The following DIP2A variants were observed in gnomAD, a reference collection of about 807,000 sequenced individuals.
The protein encoded by DIP2A is DIP2 acetate--CoA ligase A.
DIP2A carries 85 observed loss-of-function variants against 177.4 expected under a neutral mutation model. That is an observed-to-expected ratio of 0.48 (90% confidence interval 0.40 to 0.57). The LOEUF is 0.57. Ranked by LOEUF, DIP2A falls within the 20% of genes least tolerant of loss-of-function variation. The pLI is 0.00. For missense variants in DIP2A, 1,791 were observed against 2,100.2 expected, an observed-to-expected ratio of 0.85 and a Z score of 2.88; for synonymous variants, 886 against 881.8, an observed-to-expected ratio of 1.00 and a Z score of -0.08.
chr21:46,572,744 T>C (rs986521806), downstream of DIP2A, among the ~76,000 whole-genome samples: 1 of 152,242 alleles, frequency 6.6e-6, no homozygotes. Context: ...GTTTTTCTTA[T>C]AATGTAGCCA....
At chr21:46,582,204 A>G in the DIP2A span, among the ~76,000 whole-genome samples, 1 of 152,170 alleles carries the variant, frequency 6.6e-6, no homozygotes, top group East Asian at 1.9e-4. Flanking sequence ...GGTCCCACCT[A>G]AAGCAGCAGT....
chr21:46,460,989 T>C (rs1216084997), intron 1 of DIP2A, among the ~76,000 whole-genome samples: 2 of 151,154 alleles, frequency 1.3e-5, no homozygotes, highest in African/African-American at 2.4e-5. Flanking sequence ...CCACCGTGCC[T>C]GGCTTGTGGC....
chr21:46,477,541 A>ATT (rs201823901), intron 1 of DIP2A, among the ~76,000 whole-genome samples: 1,284 of 99,144 alleles, frequency 0.013, 58 homozygotes, highest in African/African-American at 0.035. Flanking sequence ...AAAAAAAAAG[A>ATT]TTTGTGTGTG....
Position 46,569,051 on chromosome 21 carries a change from A to T in DIP2A, c.*1429A>T, listed in dbSNP as rs1601879452. 1 of 152,236 alleles carries T rather than the reference A, an allele frequency of 6.6e-6. No homozygotes were observed. The highest frequency in any genetic ancestry group is 1.9e-4 in the East Asian group (1 of 5,204). 9.4% of individuals were successfully genotyped at this position (152,236 alleles called of 1,614,324 possible). ...CCTTTAGTTACTTCTAAGAATTTGA[A>T]GTCAAGCACGAATCTAAGACATAGA... On this transcript the variant is annotated 3_prime_UTR_variant, in exon 38 of 38. Coordinates refer to ENST00000417564, the MANE Select transcript of DIP2A (RefSeq NM_015151.4).
intron 8 of DIP2A, among the ~76,000 whole-genome samples, chr21:46,522,607 G>C (rs954403644): frequency 1.1e-4 from 17 of 152,236 alleles, no homozygotes; most frequent in Non-Finnish European, 2.1e-4. Flanking sequence ...AACATGCAGA[G>C]AGGTGTGTAT....
At chr21:46,472,550 C>T (rs1009512784) in intron 1 of DIP2A, among the ~76,000 whole-genome samples, 4 of 152,116 alleles carry the variant, frequency 2.6e-5, no homozygotes, top group African/African-American at 9.7e-5. Context: ...AGTACAGTTT[C>T]CTTGAGCTTT....
intron 1 of DIP2A, among the ~76,000 whole-genome samples, chr21:46,471,558 T>A (rs1457074413): frequency 1.3e-5 from 2 of 152,230 alleles, no homozygotes; most frequent in East Asian, 3.8e-4. Flanking sequence ...TAGCTGACAT[T>A]TTCAGTATTG....
chr21:46,508,093 A>G (rs1350906639), intron 6 of DIP2A, among the ~76,000 whole-genome samples: 3 of 151,032 alleles, frequency 2.0e-5, no homozygotes, highest in African/African-American at 7.3e-5. Flanking sequence ...GAGTTCACTG[A>G]CATGATCATG....
chr21:46,558,256 T>C lies in DIP2A; in HGVS notation c.3832T>C (p.Cys1278Arg). The C allele has an allele frequency of 6.2e-7, 1 of 1,612,804 alleles. No individual in the cohort carries two copies. The highest frequency in any genetic ancestry group is 8.5e-7 in the Non-Finnish European group (1 of 1,179,806). ...GGTGAACCTGTCATGTGTGCGCACG[T>C]GCATGGTGGTCGCCGAGGAGCGGCC... ...KGVNLSCVRT[C>R]MVVAEERPRI... is the part of the protein sequence containing the mutation. The change falls in exon 32 of 38, where the codon TGC becomes CGC. Residue 1278 changes from cysteine to arginine, a missense_variant. Cys to Arg is a radical substitution (Grantham distance 180, BLOSUM62 -3). Transcript: ENST00000417564.
chr21:46,539,479 C>G (rs1448904718), intron 16 of DIP2A: 1 of 319,528 alleles, frequency 3.1e-6, no homozygotes, highest in East Asian at 8.7e-5. Flanking sequence ...CGTCTCCACC[C>G]CAGGCGCACC....
intron 16 of DIP2A, chr21:46,538,878 G>A: frequency 2.6e-6 from 1 of 388,372 alleles, no homozygotes; most frequent in Admixed American, 4.3e-5. Flanking sequence ...TTACCAGATT[G>A]TGCTGTGGCC....
chr21:46,582,860 A>C, the DIP2A span, among the ~76,000 whole-genome samples: 2 of 152,200 alleles, frequency 1.3e-5, no homozygotes, highest in South Asian at 4.1e-4. Context: ...AAAGATAATT[A>C]TATAATGGTA....
rs553451951 is a variant in DIP2A at position 46,473,498 on chromosome 21, G to A, written c.92-11259G>A. On this transcript the variant is annotated intron_variant, in intron 1 of 37. Coordinates refer to ENST00000417564, the MANE Select transcript of DIP2A (RefSeq NM_015151.4). The stretch of plus-strand genomic sequence containing the variant: ...GGGGGCCATGGCGGTGGTTTTTCTT[G>A]GGTGCTTTATTTATTTTTTATTTTA... 2.6e-3 allele frequency among the ~76,000 whole-genome samples: 391 copies of A among 151,550 alleles called. 3 individuals carry two copies. The highest frequency in any genetic ancestry group is 8.6e-3 in the African/African-American group (354 of 41,350).
Position 46,468,051 on chromosome 21 carries a change from G to A in DIP2A, c.91+8829G>A, listed in dbSNP as rs562581259. On this transcript the variant is annotated intron_variant, in intron 1 of 37. Coordinates refer to ENST00000417564, the MANE Select transcript of DIP2A (RefSeq NM_015151.4). ...GGCCGAGGTAGACGGATCACTTGAG[G>A]CCAGGAGTTTGAGACCAGCCTGGGC... Among the ~76,000 whole-genome samples, 4 of 151,958 alleles carry A rather than the reference G, an allele frequency of 2.6e-5. No individual in the cohort carries two copies. The South Asian group carries it at 8.3e-4, about 32-fold the overall frequency.
chr21:46,467,638 C>T (rs2054955238), intron 1 of DIP2A, among the ~76,000 whole-genome samples: 1 of 152,122 alleles, frequency 6.6e-6, no homozygotes, highest in Admixed American at 6.5e-5. Context: ...ATTTATAAAA[C>T]ATGTTTGAAA....
chr21:46,571,305 C>T (rs775441277), downstream of DIP2A, among the ~76,000 whole-genome samples: 13 of 152,134 alleles, frequency 8.5e-5, no homozygotes, highest in Admixed American at 3.9e-4. Flanking sequence ...CAAAACCAGT[C>T]GCTGGTGCCA....
In DIP2A at chr21:46,557,454, C is replaced by G. The variant is rs537119623; in HGVS notation, c.3630-131C>G. On this transcript the variant is annotated intron_variant, in intron 30 of 37. Coordinates refer to ENST00000417564, the MANE Select transcript of DIP2A (RefSeq NM_015151.4). This position sits in a 1 kb window ranked among gnomAD's most constrained non-coding sequence, Gnocchi z 6.0. ...TGTGGCATGTTTTCCACCAAACCCC[C>G]CCACTTGGCGTCAGAACAGAAATCA... 2.6e-6 allele frequency: 3 copies of G among 1,167,664 alleles called. No homozygotes were observed. Among genetic ancestry groups the G allele is most frequent in the African/African-American group, 3.1e-5 (2 of 64,864 alleles). 72.3% of individuals were successfully genotyped at this position (1,167,664 alleles called of 1,614,324 possible).
intron 28 of DIP2A, among the ~76,000 whole-genome samples, chr21:46,555,288 C>G (rs1341241652): frequency 2.0e-5 from 3 of 152,264 alleles, no homozygotes; most frequent in Admixed American, 6.5e-5. Context: ...GCATCCCTGT[C>G]CCCATCATTG....
chr21:46,529,045 C>T (rs2059245452), intron 8 of DIP2A, 47 bp from the exon 9 acceptor site: 1 of 1,229,094 alleles, frequency 8.1e-7, no homozygotes, highest in Non-Finnish European at 1.1e-6. Context: ...ATGTTAATTA[C>T]TTGTTTCTTA....
Sources: gnomAD v4.1 joint callset for allele counts (sites outside exome capture counted in the v4.1 genomes callset) on GRCh38, gnomAD v4.1.1 for gene constraint, Gnocchi (gnomAD v3.1) non-coding constraint, MANE v1.5 for transcripts, NCBI Gene and HGNC (gene_info 2026-07-23, HGNC 2026-07-21) for gene names.